The following MGAT5 variants were observed in gnomAD, a reference collection of about 807,000 sequenced individuals.
MGAT5 encodes alpha-1,6-mannosylglycoprotein 6-beta-N-acetylglucosaminyltransferase A.
A neutral mutation model predicts 94.3 loss-of-function variants in MGAT5; 30 were observed. The ratio of observed to expected loss-of-function variants is 0.32; its 90% CI spans 0.24 to 0.43. The LOEUF (loss-of-function observed/expected upper bound fraction) is 0.43. Ranked by LOEUF, MGAT5 falls within the 20% of genes least tolerant of loss-of-function variation. MGAT5 has a pLI of 1.00. For synonymous variants in MGAT5, 310 were observed against 322.9 expected, an observed-to-expected ratio of 0.96 and a Z score of 0.43; for missense variants, 691 against 905.5, an observed-to-expected ratio of 0.76 and a Z score of 3.04.
rs372701745 is a variant in MGAT5 at position 134,185,838 on chromosome 2, C to T, written c.-143+65547C>T. On this transcript the variant is annotated intron_variant, in intron 1 of 16. Coordinates refer to the MGAT5 transcript ENST00000409645. ...AAGAGGAGAGATGGAATGTTTTCTG[C>T]ATTCTTTGGAGATGCAGAGGCTGCT... Among the ~76,000 whole-genome samples, 63 of 152,314 alleles carry T rather than the reference C, an allele frequency of 4.1e-4. 1 individual carries two copies. The highest frequency in any genetic ancestry group is 1.3e-3 in the African/African-American group (56 of 41,574).
intron 1 of MGAT5, among the ~76,000 whole-genome samples, chr2:134,196,416 A>G (rs1269384980): frequency 6.6e-6 from 1 of 151,796 alleles, no homozygotes; most frequent in African/African-American, 2.4e-5. Flanking sequence ...AAAAAAAAAA[A>G]CTATGGATCC....
intron 1 of MGAT5, among the ~76,000 whole-genome samples, chr2:134,186,479 A>G (rs1166842564): frequency 6.6e-6 from 1 of 152,164 alleles, no homozygotes; most frequent in African/African-American, 2.4e-5. Context: ...AAATTCATCA[A>G]TTAAGGAGCA....
intron 1 of MGAT5, among the ~76,000 whole-genome samples, chr2:134,158,958 A>G (rs1324128703): frequency 6.6e-6 from 1 of 152,222 alleles, no homozygotes; most frequent in African/African-American, 2.4e-5. Flanking sequence ...TAAATGTAAA[A>G]TACACACCAA....
At chr2:134,341,844 A>G (rs1688651398) in intron 7 of MGAT5, 85 bp downstream of exon 7, 1 of 1,237,402 alleles carries the variant, frequency 8.1e-7, no homozygotes. Flanking sequence ...TTAGTGTATA[A>G]TTTTTTGTCG....
At chr2:134,149,982 C>T (rs56076952) in intron 1 of MGAT5, among the ~76,000 whole-genome samples, 35,719 of 152,114 alleles carry the variant, frequency 0.23, 8,293 homozygotes, top group African/African-American at 0.61. Context: ...CCTCTCTCTT[C>T]CTTCCTCCAG....
intron 1 of MGAT5, among the ~76,000 whole-genome samples, chr2:134,237,613 G>T (rs1400226556): frequency 7.0e-6 from 1 of 142,898 alleles, no homozygotes; most frequent in Non-Finnish European, 1.5e-5. Flanking sequence ...TTATATAAAT[G>T]ATTTAATTCT....
chr2:134,442,629 T>C (rs74590048), intron 15 of MGAT5, among the ~76,000 whole-genome samples: 9,255 of 152,176 alleles, frequency 0.061, 489 homozygotes, highest in African/African-American at 0.15. Context: ...TTGCATTACT[T>C]AGTGGCACCT....
rs953251367 is a variant in MGAT5 at position 134,286,559 on chromosome 2, G to A, written c.406+16009G>A. Among the ~76,000 whole-genome samples the A allele has an allele frequency of 7.9e-5, 12 of 152,114 alleles. No individual in the cohort carries two copies. The East Asian group carries it at 2.3e-3, about 29-fold the overall frequency. ...CAGTTTTCCTGCCTCAGCCTCCCAA[G>A]TAGCTGAGATTACAGGCACCCAGCT... On this transcript the variant is annotated intron_variant, in intron 2 of 15. Coordinates refer to ENST00000281923, the MANE Select transcript of MGAT5 (RefSeq NM_002410.5).
At chr2:134,180,657 A>G (rs928520936) in intron 1 of MGAT5, among the ~76,000 whole-genome samples, 2 of 152,014 alleles carry the variant, frequency 1.3e-5, no homozygotes, top group Admixed American at 6.6e-5. Flanking sequence ...TGAGGACCGC[A>G]CTCCTGCCCT....
At chr2:134,242,433 A>C (rs142757228) in intron 1 of MGAT5, among the ~76,000 whole-genome samples, 3 of 152,344 alleles carry the variant, frequency 2.0e-5, no homozygotes, top group African/African-American at 7.2e-5. Context: ...TAGGATGTAC[A>C]TCCAGCTTAT....
At chr2:134,364,824 C>T (rs1558827241) in intron 10 of MGAT5, among the ~76,000 whole-genome samples, 2 of 152,234 alleles carry the variant, frequency 1.3e-5, no homozygotes, top group Non-Finnish European at 2.9e-5. Flanking sequence ...AACTCTAGAA[C>T]ACGGCACAGT....
chr2:134,189,141 C>T (rs532272984), intron 1 of MGAT5, among the ~76,000 whole-genome samples: 1 of 152,288 alleles, frequency 6.6e-6, no homozygotes, highest in Admixed American at 6.5e-5. Context: ...GTTACATAGG[C>T]AGGATTGATT....
At chr2:134,194,608 G>A (rs1346821598) in intron 1 of MGAT5, among the ~76,000 whole-genome samples, 1 of 152,152 alleles carries the variant, frequency 6.6e-6, no homozygotes, top group Non-Finnish European at 1.5e-5. Flanking sequence ...GATAGGGGGT[G>A]TTTAGAGTCC....
chr2:134,154,002 A>T (rs1188846757), intron 1 of MGAT5, among the ~76,000 whole-genome samples: 1 of 151,742 alleles, frequency 6.6e-6, no homozygotes, highest in Non-Finnish European at 1.5e-5. Flanking sequence ...ATTTTATTTT[A>T]TTTTTTTATC....
At chr2:134,417,659 G>T (rs1016345700) in intron 12 of MGAT5, among the ~76,000 whole-genome samples, 3 of 151,960 alleles carry the variant, frequency 2.0e-5, no homozygotes, top group African/African-American at 7.3e-5. Context: ...TCAATATGTT[G>T]TACTGATTGA....
intron 1 of MGAT5, among the ~76,000 whole-genome samples, chr2:134,254,859 T>G (rs1481857758): frequency 6.6e-6 from 1 of 152,056 alleles, no homozygotes; most frequent in Non-Finnish European, 1.5e-5. Context: ...TCCCCTGGAG[T>G]CAGTGGGTTA....
chr2:134,305,041 G>A (rs1246151381), intron 2 of MGAT5, among the ~76,000 whole-genome samples: 1 of 152,092 alleles, frequency 6.6e-6, no homozygotes, highest in African/African-American at 2.4e-5. Context: ...CCAAGAATTT[G>A]TTGTGCTTGT....
At chr2:134,238,853 G>C (rs553813828) in intron 1 of MGAT5, among the ~76,000 whole-genome samples, 146 of 152,246 alleles carry the variant, frequency 9.6e-4, no homozygotes, top group African/African-American at 3.4e-3. Context: ...TGAGGTGGGA[G>C]AATCGCTGGA....
Position 134,338,376 on chromosome 2 carries a change from T to C in MGAT5, c.763T>C (p.Ser255Pro). The C allele has an allele frequency of 6.2e-7, 1 of 1,612,028 alleles. No individual in the cohort carries two copies. The highest frequency in any genetic ancestry group is 8.5e-7 in the Non-Finnish European group (1 of 1,179,166). The change falls in exon 6 of 16, where the codon TCC (serine) becomes CCC (proline). Residue 255 changes from serine to proline, a missense_variant. By Grantham distance (74) the Ser-to-Pro change is moderately conservative. Coordinates refer to ENST00000281923, the MANE Select transcript of MGAT5 (RefSeq NM_002410.5). ...TGACGCATGGATCCAAGCAATCAAG[T>C]CCCTGGCAGAAAAGCAGAACCTTGA... ...MADAWIQAIK[S>P]LAEKQNLEKR...
Sources: allele counts gnomAD v4.1 joint callset (sites outside exome capture counted in the v4.1 genomes callset), GRCh38; gene constraint gnomAD v4.1.1; transcripts MANE v1.5; gene names NCBI Gene and HGNC (gene_info 2026-07-23, HGNC 2026-07-21).